Variants in RIMS2 observed in about 807,000 individuals in gnomAD.
The protein encoded by RIMS2 is regulating synaptic membrane exocytosis protein 2.
A neutral mutation model predicts 174.4 loss-of-function variants in RIMS2; 59 were observed. The ratio of observed to expected loss-of-function variants is 0.34; its 90% confidence interval spans 0.27 to 0.42. RIMS2 has a LOEUF of 0.42. RIMS2 is among the 10% of genes least tolerant of loss of function. The pLI is 1.00. For synonymous variants in RIMS2, 606 were observed against 572.5 expected (o/e 1.06, Z -0.84); for missense variants, 1,620 against 1,666.3 (o/e 0.97, Z 0.48).
At chr8:104,232,046 T>C (rs912780781) in intron 19 of RIMS2, among the ~76,000 whole-genome samples, 6 of 151,672 alleles carry the variant, frequency 4.0e-5, no homozygotes, top group Non-Finnish European at 7.4e-5. Flanking sequence ...TGCCTTGCAT[T>C]ATTATTTGTG....
intron 8 of RIMS2, among the ~76,000 whole-genome samples, chr8:103,917,155 C>G (rs967889807): frequency 5.9e-5 from 9 of 151,912 alleles, no homozygotes; most frequent in Admixed American, 1.3e-4. Flanking sequence ...AAAATATATA[C>G]CTATATCAGA....
chr8:103,656,033 T>C (rs2096527724), intron 1 of RIMS2, among the ~76,000 whole-genome samples: 1 of 152,120 alleles, frequency 6.6e-6, no homozygotes, highest in African/African-American at 2.4e-5. Flanking sequence ...GTGATAGTGA[T>C]AACCTGGACC....
chr8:104,165,264 T>C (rs963347092), intron 19 of RIMS2, among the ~76,000 whole-genome samples: 1 of 152,160 alleles, frequency 6.6e-6, no homozygotes, highest in Non-Finnish European at 1.5e-5. Flanking sequence ...TACACTTTCA[T>C]ATATTTATGA....
At chr8:103,644,254 C>T (rs553709268) in intron 1 of RIMS2, among the ~76,000 whole-genome samples, 89 of 152,234 alleles carry the variant, frequency 5.8e-4, no homozygotes, top group African/African-American at 1.9e-3. Flanking sequence ...TGCTCCTGGA[C>T]ATTTGGTTCT....
intron 19 of RIMS2, among the ~76,000 whole-genome samples, chr8:104,055,723 T>A (rs2096857120): frequency 6.6e-6 from 1 of 152,154 alleles, no homozygotes. Context: ...AAAAAAGAAA[T>A]GTATATAGTG....
chr8:103,539,467 T>G (rs1308510987), intron 1 of RIMS2, among the ~76,000 whole-genome samples: 1 of 151,970 alleles, frequency 6.6e-6, no homozygotes, highest in Non-Finnish European at 1.5e-5. Context: ...GCAGAAAACA[T>G]GGAGAATATC....
Position 104,068,484 on chromosome 8 carries a change from A to G in RIMS2, c.3334+53869A>G, listed in dbSNP as rs1328170618. The G allele has an allele frequency of 3.9e-6, 4 of 1,037,768 alleles. No individual in the cohort carries two copies. In the African/African-American group the frequency reaches 6.3e-5, roughly 16 times the overall value. 64.3% of individuals were successfully genotyped at this position (1,037,768 alleles called of 1,614,324 possible). ...ACTCAGAAATAAGAACTGAACATTA[A>G]TTTTATGGGTTTTTTTCTACTCGAT... On this transcript the variant is annotated intron_variant, in intron 19 of 23. Transcript: ENST00000504942.
chr8:103,887,857 A>C (rs1222583659), intron 4 of RIMS2, among the ~76,000 whole-genome samples: 2 of 151,648 alleles, frequency 1.3e-5, no homozygotes, highest in Non-Finnish European at 3.0e-5. Flanking sequence ...ACTGAGTAAC[A>C]TAAGGAAGAT....
intron 19 of RIMS2, among the ~76,000 whole-genome samples, chr8:104,087,754 A>C (rs537893773): frequency 6.6e-6 from 1 of 152,126 alleles, no homozygotes; most frequent in African/African-American, 2.4e-5. Context: ...ACTATACCAA[A>C]CTGAAGAGGC....
At chr8:103,835,103 CTTT>C (rs528538789) in intron 3 of RIMS2, among the ~76,000 whole-genome samples, 6 of 130,784 alleles carry the variant, frequency 4.6e-5, no homozygotes, top group Admixed American at 1.6e-4. Flanking sequence ...CTTTTCTTTT[CTTT>C]TTTTTTTTTT....
intron 1 of RIMS2, among the ~76,000 whole-genome samples, chr8:103,657,825 C>A (rs929319614): frequency 1.3e-5 from 2 of 152,160 alleles, no homozygotes; most frequent in East Asian, 1.9e-4. Flanking sequence ...GTTGGTATAG[C>A]TGAGCCCTGA....
At chr8:103,978,749 G>A (rs1042014061) in intron 16 of RIMS2, among the ~76,000 whole-genome samples, 20 of 152,168 alleles carry the variant, frequency 1.3e-4, no homozygotes, top group Admixed American at 1.3e-3. Flanking sequence ...ATTGTAGTTG[G>A]AGATTTTAAC....
intron 1 of RIMS2, among the ~76,000 whole-genome samples, chr8:103,570,463 A>G (rs900306746): frequency 6.6e-6 from 1 of 152,120 alleles, no homozygotes; most frequent in Non-Finnish European, 1.5e-5. Flanking sequence ...AGTCTCTCCC[A>G]TTTCATAAAT....
chr8:103,607,709 C>T (rs1194585006), intron 1 of RIMS2, among the ~76,000 whole-genome samples: 6 of 135,590 alleles, frequency 4.4e-5, no homozygotes, highest in Non-Finnish European at 7.9e-5. Flanking sequence ...TCTTTTTATT[C>T]TTTTTTCTCT....
chr8:104,250,625 C>T (rs1359078008), intron 22 of RIMS2, among the ~76,000 whole-genome samples: 2 of 146,228 alleles, frequency 1.4e-5, no homozygotes, highest in East Asian at 4.1e-4. Context: ...TAAGTAAGTA[C>T]TTTTGAGTGA....
chr8:103,919,207 A>G (rs2077148215), intron 9 of RIMS2, among the ~76,000 whole-genome samples: 1 of 152,196 alleles, frequency 6.6e-6, no homozygotes, highest in Admixed American at 6.5e-5. Context: ...GATAGACCAC[A>G]CTGAGAAGGA....
chr8:103,723,280 C>T (rs2097479280), intron 2 of RIMS2, among the ~76,000 whole-genome samples: 2 of 152,210 alleles, frequency 1.3e-5, no homozygotes, highest in African/African-American at 2.4e-5. Flanking sequence ...TGATTATTCA[C>T]GATCTTTTGG....
intron 3 of RIMS2, among the ~76,000 whole-genome samples, chr8:103,780,476 G>A (rs571271548): frequency 3.3e-5 from 5 of 151,936 alleles, no homozygotes; most frequent in African/African-American, 1.2e-4. Flanking sequence ...TCAAATGCTT[G>A]TCTTCAAGCT....
At chr8:103,876,781 T>A (rs2154515363) in intron 3 of RIMS2, among the ~76,000 whole-genome samples, 1 of 149,066 alleles carries the variant, frequency 6.7e-6, no homozygotes, top group Admixed American at 6.8e-5. Flanking sequence ...TACGTTCCTT[T>A]TTGTGGCTGA....
Sources: allele counts gnomAD v4.1 joint callset (sites outside exome capture counted in the v4.1 genomes callset), GRCh38; gene constraint gnomAD v4.1.1; transcripts MANE v1.5; gene names NCBI Gene and HGNC (gene_info 2026-07-23, HGNC 2026-07-21).